Variants in TNPO2 observed in about 807,000 individuals in gnomAD.
The protein encoded by TNPO2 is transportin-2.
In TNPO2, 16 loss-of-function variants were observed where a neutral mutation model predicts 111.1. The observed-to-expected ratio is 0.14, with a 90% CI of 0.10 to 0.22. The LOEUF (loss-of-function observed/expected upper bound fraction) is 0.22, where lower values mean the gene tolerates loss of function less well. Among genes scored for constraint, TNPO2 ranks in the 10% least tolerant of loss-of-function variants. The probability of loss-of-function intolerance (pLI) is 1.00; values close to 1 mark genes in which losing one functional copy is unlikely to be tolerated. For synonymous variants in TNPO2, 481 were observed against 475.8 expected (o/e 1.01, Z -0.14); for missense variants, 530 against 1,173.7 (o/e 0.45, Z 8.01).
chr19:12,704,457 T>G (rs1387000946), intron 18 of TNPO2, among the ~76,000 whole-genome samples: 1 of 152,200 alleles, frequency 6.6e-6, no homozygotes, highest in East Asian at 1.9e-4. Context: ...CATCTCTAAA[T>G]CACTTATATC....
chr19:12,720,903 T>A lies in TNPO2; in HGVS notation c.75A>T (p.Thr25=), dbSNP rs2026651756. The A allele has an allele frequency of 6.2e-7, 1 of 1,604,800 alleles. No individual in the cohort carries two copies. The highest frequency in any genetic ancestry group is 1.3e-5 in the African/African-American group (1 of 74,726). Reference sequence around the variant, plus strand: ...CATCCTGCACGATGCGCTGAGTGGCTGTGTTGGGCGACTGTGAGTCTTTGA... The same window carrying A: ...CATCCTGCACGATGCGCTGAGTGGCAGTGTTGGGCGACTGTGAGTCTTTGA... ...QLLKDSQSPN[T]ATQRIVQDKL... is the part of the protein sequence containing the mutation. Residue 25 remains threonine (T), a synonymous_variant, in exon 3 of 26, where the codon ACA becomes ACT. Coordinates refer to ENST00000425528, the MANE Select transcript of TNPO2 (RefSeq NM_001382241.1).
intron 13 of TNPO2, among the ~76,000 whole-genome samples, chr19:12,709,721 G>C (rs945129399): frequency 6.8e-6 from 1 of 146,432 alleles, no homozygotes; most frequent in African/African-American, 2.6e-5. Flanking sequence ...GGGCTCAAAC[G>C]ATCTGCCTGC....
intron 13 of TNPO2, among the ~76,000 whole-genome samples, chr19:12,708,658 G>A (rs2145519417): frequency 6.6e-6 from 1 of 151,840 alleles, no homozygotes; most frequent in Admixed American, 6.6e-5. Context: ...CCTGAGGTCA[G>A]GAGTTCGAAA....
intron 3 of TNPO2, among the ~76,000 whole-genome samples, 180 bp downstream of exon 3, chr19:12,720,699 T>C (rs1213998017): frequency 6.6e-6 from 1 of 152,028 alleles, no homozygotes; most frequent in African/African-American, 2.4e-5. Context: ...TCTATAACAA[T>C]CCCCGCAGCT....
At chr19:12,717,754 G>A (rs1281539711) in intron 5 of TNPO2, among the ~76,000 whole-genome samples, 5 of 152,038 alleles carry the variant, frequency 3.3e-5, no homozygotes, top group Non-Finnish European at 4.4e-5. Context: ...TTGGCTTACT[G>A]CAACCTCTGC....
chr19:12,702,159 G>A lies in TNPO2; in HGVS notation c.2324C>T (p.Ser775Phe), dbSNP rs780055965. The A allele has an allele frequency of 3.7e-6, 6 of 1,613,314 alleles. No homozygotes were observed. Among genetic ancestry groups the A allele is most frequent in the Non-Finnish European group, 8.5e-7 (1 of 1,179,778 alleles). Residue 775 changes from serine (S) to phenylalanine (F), a missense_variant, in exon 22 of 26, where the codon TCT becomes TTT. Around this residue, in one of 4 missense-constraint regions of TNPO2, gnomAD observed 183 missense variants for 481.0 expected, o/e 0.38. Coordinates refer to ENST00000425528, the MANE Select transcript of TNPO2 (RefSeq NM_001382241.1). The surrounding 1 kb of genome is among the most constrained non-coding windows in gnomAD (Gnocchi z 5.5). ...GCCGATGGTGATGGCTGGAATGGCA[G>A]AGGGACTCGTCAGGCGACCTGCAAC... ...LENTGRLTSP[S>F]AIPAITIGRL...
At position 12,710,894 on chromosome 19, in the gene TNPO2, T is replaced by G. The variant is rs115593327; in HGVS notation, c.1118-121A>C. On this transcript the variant is annotated intron_variant, in intron 12 of 25. Coordinates refer to ENST00000425528, the MANE Select transcript of TNPO2 (RefSeq NM_001382241.1). ...AGAATCTTCACGATCAGCTTCTTTTTTTTTGTTTTGTTTTTTTGAGACGGA... is the reference window on the plus strand; with the variant it reads ...AGAATCTTCACGATCAGCTTCTTTTGTTTTGTTTTGTTTTTTTGAGACGGA... 3.2e-3 allele frequency: 3,582 copies of G among 1,116,386 alleles called. 85 individuals are homozygous for G. In the African/African-American group the frequency reaches 0.05, roughly 15 times the overall value. 69.2% of individuals were successfully genotyped at this position (1,116,386 alleles called of 1,614,324 possible).
In TNPO2 at chr19:12,701,111, G is replaced by T. The variant is rs898906226; in HGVS notation, c.*153C>A. ...GGGCAAGTGGACGGATGGACGGACG[G>T]ACGGACGGACGGGGAAGGCATCTGG... is the stretch of plus-strand genomic sequence containing the variant. On this transcript the variant is annotated 3_prime_UTR_variant, in exon 26 of 26. Transcript: ENST00000425528. This position sits in a 1 kb window ranked among gnomAD's most constrained non-coding sequence, Gnocchi z 5.0. 3 of 478,918 alleles carry T rather than the reference G, an allele frequency of 6.3e-6. No individual in the cohort carries two copies. Among genetic ancestry groups the T allele is most frequent in the Non-Finnish European group, 7.4e-6 (2 of 268,724 alleles). 29.7% of individuals were successfully genotyped at this position (478,918 alleles called of 1,614,324 possible).
Position 12,706,665 on chromosome 19 carries a change from G to A in TNPO2, c.1401C>T (p.Val467=), listed in dbSNP as rs763897490. Residue 467 remains valine (V), a synonymous_variant, in exon 14 of 26, where the codon GTC becomes GTT. Transcript: ENST00000425528. The surrounding 1 kb of genome is among the most constrained non-coding windows in gnomAD (Gnocchi z 7.0). ...TGAGGTGCATGTCGGGTGGCTGGCT[G>A]ACCACCCAGTGGGCATAGCGGCTCA... ...WTLSRYAHWV[V]SQPPDMHLKP... 42 of 1,613,844 alleles carry A rather than the reference G, an allele frequency of 2.6e-5. No individual in the cohort carries two copies. The highest frequency in any genetic ancestry group is 3.2e-5 in the Non-Finnish European group (38 of 1,179,870).
At chr19:12,710,840 C>T in intron 12 of TNPO2, 67 bp from the exon 13 acceptor site, 1 of 1,423,010 alleles carries the variant, frequency 7.0e-7, no homozygotes, top group Non-Finnish European at 9.5e-7. Flanking sequence ...CCCTCCTTGA[C>T]TGCACTCCCA....
intron 1 of TNPO2, 187 bp downstream of exon 1, chr19:12,723,582 A>G (rs1967148927): frequency 6.6e-6 from 1 of 152,150 alleles, no homozygotes; most frequent in Admixed American, 6.6e-5. Flanking sequence ...ACGTGGCTTT[A>G]CCCTCCAAGG....
chr19:12,717,032 G>A (rs1267579266), intron 5 of TNPO2, among the ~76,000 whole-genome samples: 1 of 152,048 alleles, frequency 6.6e-6, no homozygotes, highest in African/African-American at 2.4e-5. Context: ...TGACAGAGCT[G>A]GATATGGGTT....
rs752878454 is a variant in TNPO2 at position 12,701,628 on chromosome 19, C to T, written c.2556G>A (p.Pro852=). The T allele has an allele frequency of 8.9e-5, 144 of 1,613,704 alleles. No individual in the cohort carries two copies. Among genetic ancestry groups the T allele is most frequent in the Non-Finnish European group, 1.1e-4 (132 of 1,179,888 alleles). ...AAAACATGTCCCGAAGGTCATCCTTCGGGCTCACCCAGGAGGCTACAGCAT... is the reference window on the plus strand; with the variant it reads ...AAAACATGTCCCGAAGGTCATCCTTTGGGCTCACCCAGGAGGCTACAGCAT... The part of the protein sequence containing the change: ...FCDAVASWVS[P]KDDLRDMFYK... The change falls in exon 24 of 26, where the codon CCG becomes CCA. Residue 852 remains proline, a synonymous_variant. Transcript: ENST00000425528. The surrounding 1 kb of genome is among the most constrained non-coding windows in gnomAD (Gnocchi z 5.0).
intron 2 of TNPO2, chr19:12,722,580 A>AC (rs1419181998): frequency 6.6e-6 from 1 of 150,386 alleles, no homozygotes; most frequent in Non-Finnish European, 1.5e-5. Flanking sequence ...AAAAAAAAAA[A>AC]AAAAAGAAAG....
chr19:12,723,008 G>T (rs926795137), intron 2 of TNPO2, among the ~76,000 whole-genome samples: 1 of 152,128 alleles, frequency 6.6e-6, no homozygotes, highest in East Asian at 1.9e-4. Flanking sequence ...CTGTGTGTGC[G>T]CAAGGAAAGA....
rs2025380494 is a variant in TNPO2 at position 12,702,471 on chromosome 19, T to C, written c.2306-294A>G. On this transcript the variant is annotated intron_variant, in intron 21 of 25. Transcript: ENST00000425528. This position sits in a 1 kb window ranked among gnomAD's most constrained non-coding sequence, Gnocchi z 5.5. ...GTGCAGTGGCATGATCTTGGCTCAT[T>C]GCAACCTGCCTCAGCCTCCCGAGTA... 3.4e-6 allele frequency: 2 copies of C among 585,060 alleles called. No individual in the cohort carries two copies. The highest frequency in any genetic ancestry group is 3.7e-5 in the African/African-American group (2 of 53,354). The allele number at this position is 585,060 out of a possible 1,614,324, so 36.2% of individuals were successfully genotyped here.
rs757454634 is a variant in TNPO2 at position 12,715,205 on chromosome 19, C to G, written c.649-36G>C. ...GAACAGGGTCAGTTGTAGGGGCCCT[C>G]AGTCCTCGCCCTGCCCACCCCCAGC... On this transcript the variant is annotated intron_variant, in intron 8 of 25. Coordinates refer to ENST00000425528, the MANE Select transcript of TNPO2 (RefSeq NM_001382241.1). The surrounding 1 kb of genome is among the most constrained non-coding windows in gnomAD (Gnocchi z 7.1). 1.5e-5 allele frequency: 24 copies of G among 1,613,738 alleles called. No individual in the cohort carries two copies. In the East Asian group the frequency reaches 5.1e-4, roughly 34 times the overall value.
rs1239252552 is a variant in TNPO2, at chr19:12,715,998, T to C, written c.326-259A>G. ...CATCTTCCTGCCTCAGCCTCCTAAGTAGCTGGGACTGCAGGCACATGCCAC... is the reference window on the plus strand; with the variant it reads ...CATCTTCCTGCCTCAGCCTCCTAAGCAGCTGGGACTGCAGGCACATGCCAC... On this transcript the variant is annotated intron_variant, in intron 5 of 25. Transcript: ENST00000425528. The surrounding 1 kb of genome is among the most constrained non-coding windows in gnomAD (Gnocchi z 7.1). Among the ~76,000 whole-genome samples, 1 of 151,992 alleles carries C rather than the reference T, an allele frequency of 6.6e-6. No homozygotes were observed. Among genetic ancestry groups the C allele is most frequent in the East Asian group, 1.9e-4 (1 of 5,172 alleles).
intron 10 of TNPO2, 69 bp downstream of exon 10, chr19:12,714,752 A>C: frequency 8.0e-7 from 1 of 1,242,946 alleles, no homozygotes. Flanking sequence ...GCAGGTGACC[A>C]GAAGGGAAGG....
Sources: allele counts gnomAD v4.1 joint callset (sites outside exome capture counted in the v4.1 genomes callset), GRCh38; gene constraint gnomAD v4.1.1; regional missense constraint gnomAD v4.1.1; non-coding constraint Gnocchi (gnomAD v3.1); transcripts MANE v1.5; gene names NCBI Gene and HGNC (gene_info 2026-07-23, HGNC 2026-07-21).